SEMA5A: variants seen among roughly 807,000 people sequenced by gnomAD.
The protein encoded by SEMA5A is semaphorin 5A.
In SEMA5A, 55 loss-of-function variants were observed where a neutral mutation model predicts 135.5. The ratio of observed to expected loss-of-function variants is 0.41; its 90% CI spans 0.33 to 0.51. SEMA5A has a LOEUF of 0.51. SEMA5A is among the 20% of genes least tolerant of loss of function. SEMA5A has a pLI of 0.37. For missense variants in SEMA5A, 1,290 were observed against 1,419.9 expected (o/e 0.91, Z 1.47); for synonymous variants, 580 against 546.5 (o/e 1.06, Z -0.85).
At chr5:9,062,372 A>G (rs1228090466) in intron 18 of SEMA5A, among the ~76,000 whole-genome samples, 1 of 152,198 alleles carries the variant, frequency 6.6e-6, no homozygotes, top group African/African-American at 2.4e-5. Context: ...ATTTGGTTTC[A>G]GGTCTGCTGG....
chr5:9,279,903 C>T (rs1373488452), intron 5 of SEMA5A, among the ~76,000 whole-genome samples: 2 of 152,212 alleles, frequency 1.3e-5, no homozygotes, highest in African/African-American at 4.8e-5. Context: ...ATTACCCAGC[C>T]TCAGTCTCAG....
chr5:9,331,642 A>G (rs943623313), intron 4 of SEMA5A, among the ~76,000 whole-genome samples: 10 of 152,220 alleles, frequency 6.6e-5, no homozygotes, highest in African/African-American at 2.4e-4. Context: ...GTTTCTGGGA[A>G]GAATATTATA....
At chr5:9,053,795 A>T (rs956579023) in intron 19 of SEMA5A, 4 of 275,664 alleles carry the variant, frequency 1.5e-5, no homozygotes, top group Non-Finnish European at 2.7e-5. Flanking sequence ...AATTAGGGAG[A>T]TTGGGTGTTG....
chr5:9,092,873 G>T lies in SEMA5A; in HGVS notation c.2073+15267C>A, dbSNP rs545395103. ...AATCACACATACATTAAATAACTAG[G>T]TTCATTTATTCACTACCCTACACTC... On this transcript the variant is annotated intron_variant, in intron 16 of 22. Transcript: ENST00000382496. Among the ~76,000 whole-genome samples, 58 of 152,150 alleles carry T rather than the reference G, an allele frequency of 3.8e-4. 1 individual carries two copies. The highest frequency in any genetic ancestry group is 1.2e-3 in the African/African-American group (48 of 41,484).
At chr5:9,471,208 G>A (rs749017791) in intron 1 of SEMA5A, among the ~76,000 whole-genome samples, 6 of 152,024 alleles carry the variant, frequency 3.9e-5, no homozygotes, top group Non-Finnish European at 5.9e-5. Flanking sequence ...CTACAAGAAC[G>A]GTAATATGAG....
chr5:9,482,334 G>A (rs1421458744), intron 1 of SEMA5A, among the ~76,000 whole-genome samples: 1 of 152,158 alleles, frequency 6.6e-6, no homozygotes, highest in East Asian at 1.9e-4. Context: ...GGAACTGGAG[G>A]CCTTGTAATG....
chr5:9,380,652 G>A (rs895517534), intron 2 of SEMA5A, among the ~76,000 whole-genome samples: 3 of 152,044 alleles, frequency 2.0e-5, no homozygotes, highest in Non-Finnish European at 2.9e-5. Context: ...AATCTATATC[G>A]AGCACCTACT....
intron 2 of SEMA5A, among the ~76,000 whole-genome samples, chr5:9,424,153 A>C (rs1435074097): frequency 6.6e-6 from 1 of 152,226 alleles, no homozygotes; most frequent in East Asian, 1.9e-4. Context: ...GAAGAATGAA[A>C]GCCTGAACTG....
intron 11 of SEMA5A, among the ~76,000 whole-genome samples, chr5:9,159,728 T>C (rs1743144727): frequency 6.6e-6 from 1 of 152,184 alleles, no homozygotes; most frequent in South Asian, 2.1e-4. Context: ...AAATAAATCA[T>C]TCTACTATAA....
At chr5:9,123,985 G>C (rs1349440759) in intron 13 of SEMA5A, among the ~76,000 whole-genome samples, 1 of 152,166 alleles carries the variant, frequency 6.6e-6, no homozygotes, top group Non-Finnish European at 1.5e-5. Flanking sequence ...AGTGAAGAAA[G>C]AGCCAAGTAG....
chr5:9,427,318 A>G (rs1438855487), intron 2 of SEMA5A, among the ~76,000 whole-genome samples: 2 of 152,146 alleles, frequency 1.3e-5, no homozygotes, highest in Admixed American at 6.5e-5. Context: ...TCGGGGGGGA[A>G]AAAGATGAAA....
intron 15 of SEMA5A, among the ~76,000 whole-genome samples, chr5:9,118,277 T>C (rs900841109): frequency 2.0e-5 from 3 of 152,160 alleles, no homozygotes; most frequent in African/African-American, 7.2e-5. Flanking sequence ...TTCCCAATAG[T>C]GACAAATTAG....
At chr5:9,385,794 C>CT (rs5865830) in intron 2 of SEMA5A, among the ~76,000 whole-genome samples, 18,433 of 109,822 alleles carry the variant, frequency 0.17, 2,342 homozygotes, top group African/African-American at 0.26. Flanking sequence ...TTGGAAAGCG[C>CT]TTTTTTTTTT....
At chr5:9,398,134 T>C (rs1340345214) in intron 2 of SEMA5A, among the ~76,000 whole-genome samples, 1 of 152,172 alleles carries the variant, frequency 6.6e-6, no homozygotes, top group Non-Finnish European at 1.5e-5. Context: ...TGAATTTAAA[T>C]TAGATTTTTT....
intron 11 of SEMA5A, among the ~76,000 whole-genome samples, chr5:9,156,434 G>T (rs1241771025): frequency 6.6e-6 from 1 of 152,166 alleles, no homozygotes; most frequent in South Asian, 2.1e-4. Flanking sequence ...GTCCCCATGA[G>T]GCACCAGCAG....
chr5:9,092,221 T>A (rs1403735825), intron 16 of SEMA5A, among the ~76,000 whole-genome samples: 1 of 152,208 alleles, frequency 6.6e-6, no homozygotes, highest in Non-Finnish European at 1.5e-5. Context: ...CTGGGGTTGA[T>A]GTGCATGAGG....
intron 15 of SEMA5A, among the ~76,000 whole-genome samples, chr5:9,108,842 G>A (rs761052438): frequency 7.2e-5 from 11 of 152,012 alleles, no homozygotes; most frequent in Non-Finnish European, 1.6e-4. Flanking sequence ...TAGGCTCTCA[G>A]AAGAATGCCA....
At chr5:9,321,946 G>T (rs1041541919) in intron 4 of SEMA5A, among the ~76,000 whole-genome samples, 1 of 152,144 alleles carries the variant, frequency 6.6e-6, no homozygotes, top group Admixed American at 6.5e-5. Flanking sequence ...AGCTGGAAGT[G>T]CATCAGGGCC....
intron 4 of SEMA5A, among the ~76,000 whole-genome samples, chr5:9,321,014 A>C (rs1241877520): frequency 1.3e-5 from 2 of 152,092 alleles, no homozygotes; most frequent in East Asian, 1.9e-4. Flanking sequence ...CCATGTGTCC[A>C]GGGAGGGGCC....
Sources: allele counts gnomAD v4.1 joint callset (sites outside exome capture counted in the v4.1 genomes callset), GRCh38; gene constraint gnomAD v4.1.1; transcripts MANE v1.5; gene names NCBI Gene and HGNC (gene_info 2026-07-23, HGNC 2026-07-21).